The following NREP variants were observed in gnomAD, a reference collection of about 807,000 sequenced individuals.
NREP encodes the protein neuronal regeneration-related protein.
A neutral mutation model predicts 8.6 loss-of-function variants in NREP; 5 were observed. The observed-to-expected ratio is 0.58, with a 90% CI of 0.30 to 1.22. The LOEUF is 1.22. Among genes scored for constraint, NREP ranks in the 50% most tolerant of loss-of-function variants. NREP has a pLI of 0.07. For missense variants in NREP, 86 were observed against 82.5 expected (o/e 1.04, Z -0.17); for synonymous variants, 27 against 28.0 (o/e 0.96, Z 0.11).
chr5:111,777,906 T>A (rs568691637), intron 2 of NREP, among the ~76,000 whole-genome samples: 87 of 152,258 alleles, frequency 5.7e-4, no homozygotes, highest in African/African-American at 2.1e-3. Flanking sequence ...ATGGCTCACA[T>A]GAAATAGGTT....
At chr5:111,794,733 G>C (rs1751837103) in intron 2 of NREP, among the ~76,000 whole-genome samples, 1 of 152,144 alleles carries the variant, frequency 6.6e-6, no homozygotes, top group Admixed American at 6.5e-5. Flanking sequence ...AAAATACTCT[G>C]TATTAAGCTA....
intron 2 of NREP, among the ~76,000 whole-genome samples, chr5:111,934,300 T>A (rs776309524): frequency 3.3e-5 from 5 of 152,026 alleles, no homozygotes; most frequent in Non-Finnish European, 1.5e-5. Context: ...GATTTCTGAC[T>A]CTTATGCTTC....
chr5:111,815,530 G>T (rs546627855), intron 2 of NREP, among the ~76,000 whole-genome samples: 30 of 151,724 alleles, frequency 2.0e-4, no homozygotes, highest in African/African-American at 6.8e-4. Context: ...GAAGAAAATG[G>T]ATAAAAAGAT....
chr5:111,968,228 AG>A (rs1398428598), intron 2 of NREP, among the ~76,000 whole-genome samples: 4 of 152,280 alleles, frequency 2.6e-5, no homozygotes, highest in Non-Finnish European at 2.9e-5. Flanking sequence ...CTTAAAAAAA[AG>A]GTACTTCAGG....
At chr5:111,855,262 C>G (rs993615054) in intron 2 of NREP, among the ~76,000 whole-genome samples, 7 of 152,160 alleles carry the variant, frequency 4.6e-5, no homozygotes, top group African/African-American at 1.7e-4. Context: ...TGGTTTGGGA[C>G]TTTGATCAAG....
intron 2 of NREP, among the ~76,000 whole-genome samples, chr5:111,901,618 T>C (rs907517714): frequency 6.6e-6 from 1 of 152,214 alleles, no homozygotes; most frequent in Non-Finnish European, 1.5e-5. Flanking sequence ...AGTAAAGTTT[T>C]ACGATGCAAA....
chr5:111,956,963 CTAAATAAA>C (rs10665112), intron 2 of NREP, among the ~76,000 whole-genome samples: 89 of 142,902 alleles, frequency 6.2e-4, no homozygotes, highest in South Asian at 1.6e-3. Context: ...GACCATGTCT[CTAAATAAA>C]TAAATAAATA....
chr5:111,770,866 A>G (rs946217653), intron 2 of NREP, among the ~76,000 whole-genome samples: 1 of 152,118 alleles, frequency 6.6e-6, no homozygotes, highest in South Asian at 2.1e-4. Flanking sequence ...CACTAAGCCA[A>G]GCTAATGAAT....
intron 2 of NREP, among the ~76,000 whole-genome samples, chr5:111,934,215 G>C (rs1481020049): frequency 1.3e-5 from 2 of 152,046 alleles, no homozygotes; most frequent in African/African-American, 4.8e-5. Context: ...CTCCAGGTGA[G>C]AGAGAGTTCC....
intron 2 of NREP, among the ~76,000 whole-genome samples, chr5:111,895,359 T>A (rs1437510106): frequency 6.6e-6 from 1 of 152,196 alleles, no homozygotes; most frequent in African/African-American, 2.4e-5. Flanking sequence ...GAGAAACATT[T>A]TCTTCTGTCA....
At chr5:111,748,343 G>A (rs576474942) in intron 2 of NREP, among the ~76,000 whole-genome samples, 6 of 152,122 alleles carry the variant, frequency 3.9e-5, no homozygotes, top group East Asian at 3.9e-4. Flanking sequence ...TTCATTTCCC[G>A]GAATGCCTGA....
At position 111,737,458 on chromosome 5, in the gene NREP, C is replaced by T. The variant is rs138909228; in HGVS notation, c.4-1951G>A. Among the ~76,000 whole-genome samples, 6 of 152,198 alleles carry T rather than the reference C, an allele frequency of 3.9e-5. No homozygotes were observed. The East Asian group carries it at 1.2e-3, about 29-fold the overall frequency. ...ATTAAGTTCTGTTGGAAACCAAAAACGTTGATAAAAGTACATGTAAAAACT... is the reference window on the plus strand; with the variant it reads ...ATTAAGTTCTGTTGGAAACCAAAAATGTTGATAAAAGTACATGTAAAAACT... On this transcript the variant is annotated intron_variant, in intron 2 of 3. Coordinates refer to ENST00000257435, the MANE Select transcript of NREP (RefSeq NM_004772.4).
At chr5:111,811,502 A>G (rs1277834051) in intron 2 of NREP, among the ~76,000 whole-genome samples, 1 of 152,150 alleles carries the variant, frequency 6.6e-6, no homozygotes, top group African/African-American at 2.4e-5. Context: ...ATACACACTC[A>G]AAATATAACA....
At chr5:111,922,001 A>G (rs781146408) in intron 2 of NREP, among the ~76,000 whole-genome samples, 8 of 152,174 alleles carry the variant, frequency 5.3e-5, no homozygotes, top group Non-Finnish European at 8.8e-5. Flanking sequence ...TGTAAGTCCA[A>G]TTAAACCGCT....
intron 2 of NREP, among the ~76,000 whole-genome samples, chr5:111,878,949 G>C (rs1392012420): frequency 6.6e-6 from 1 of 152,206 alleles, no homozygotes; most frequent in African/African-American, 2.4e-5. Flanking sequence ...GTTTGATATA[G>C]TTTGGATGTT....
intron 2 of NREP, among the ~76,000 whole-genome samples, chr5:111,948,066 C>A (rs191718082): frequency 2.0e-5 from 3 of 151,954 alleles, no homozygotes; most frequent in South Asian, 2.1e-4. Context: ...GTTAGAAAAT[C>A]CATTTGTTAG....
intron 2 of NREP, among the ~76,000 whole-genome samples, chr5:111,973,165 T>C (rs1362485619): frequency 1.3e-5 from 2 of 152,188 alleles, no homozygotes; most frequent in Non-Finnish European, 2.9e-5. Context: ...TACTCATTTC[T>C]CAAAAATATA....
At chr5:111,862,977 T>C (rs1445586161) in intron 2 of NREP, among the ~76,000 whole-genome samples, 2 of 151,116 alleles carry the variant, frequency 1.3e-5, no homozygotes, top group Non-Finnish European at 2.9e-5. Context: ...AATATCTCGA[T>C]ACTGCTTCTA....
chr5:111,807,100 A>T (rs1411140739), intron 2 of NREP, among the ~76,000 whole-genome samples: 1 of 152,074 alleles, frequency 6.6e-6, no homozygotes, highest in African/African-American at 2.4e-5. Flanking sequence ...AAGATAATTA[A>T]ACCTAATTTA....
Sources: allele counts gnomAD v4.1 joint callset (sites outside exome capture counted in the v4.1 genomes callset), GRCh38; gene constraint gnomAD v4.1.1; transcripts MANE v1.5; gene names NCBI Gene and HGNC (gene_info 2026-07-23, HGNC 2026-07-21).